Variants in KLHL1 observed in about 807,000 individuals in gnomAD.
The protein encoded by KLHL1 is kelch like family member 1.
A neutral mutation model predicts 77.7 loss-of-function variants in KLHL1; 47 were observed. That is an observed-to-expected ratio of 0.60 (90% CI 0.48 to 0.77). The LOEUF (loss-of-function observed/expected upper bound fraction) is 0.77, where lower values mean the gene tolerates loss of function less well. Among genes scored for constraint, KLHL1 ranks in the 30% least tolerant of loss-of-function variants. The pLI, the probability that KLHL1 is intolerant of heterozygous loss-of-function variation, is 0.00. For synonymous variants in KLHL1, 360 were observed against 325.2 expected (o/e 1.11, Z -1.15); for missense variants, 925 against 910.8 (o/e 1.02, Z -0.20).
At chr13:69,805,886 T>A (rs1593848705) in intron 6 of KLHL1, among the ~76,000 whole-genome samples, 1 of 151,844 alleles carries the variant, frequency 6.6e-6, no homozygotes. Context: ...CTTTGGAAAC[T>A]TAACTGTACA....
At chr13:69,737,267 G>A (rs147886766) in intron 8 of KLHL1, among the ~76,000 whole-genome samples, 36 of 152,296 alleles carry the variant, frequency 2.4e-4, no homozygotes, top group African/African-American at 7.9e-4. Context: ...GTGGCTGCTC[G>A]GGCAGGCAGC....
At chr13:69,773,155 T>C (rs1875657672) in intron 7 of KLHL1, among the ~76,000 whole-genome samples, 1 of 152,024 alleles carries the variant, frequency 6.6e-6, no homozygotes, top group Non-Finnish European at 1.5e-5. Context: ...ATAATAGATA[T>C]ATATTAAATT....
intron 7 of KLHL1, among the ~76,000 whole-genome samples, chr13:69,786,326 T>A (rs1186194526): frequency 1.3e-5 from 2 of 152,150 alleles, no homozygotes; most frequent in African/African-American, 2.4e-5. Context: ...GTGGGCTTCA[T>A]CCCTGGGATG....
rs182994422 is a variant in KLHL1 at position 69,714,061 on chromosome 13, C to G, written c.2015+5308G>C. On this transcript the variant is annotated intron_variant, in intron 9 of 10. Transcript: ENST00000377844. ...GATATACTTATTGATATTCTCCCAA[C>G]TTTTTAAATCCCCTCCTTAAAAATA... 2.2e-3 allele frequency among the ~76,000 whole-genome samples: 329 copies of G among 152,200 alleles called. 2 individuals carry two copies. Among genetic ancestry groups the G allele is most frequent in the Non-Finnish European group, 1.3e-3 (89 of 67,988 alleles).
intron 1 of KLHL1, among the ~76,000 whole-genome samples, chr13:70,019,476 A>AG (rs57810678): frequency 0.54 from 82,537 of 151,726 alleles, 22,704 homozygotes; most frequent in Non-Finnish European, 0.58. Context: ...GCTGATAGTG[A>AG]GGGGCTAGTG....
At chr13:69,835,306 A>AT (rs1300450448) in intron 6 of KLHL1, among the ~76,000 whole-genome samples, 3 of 152,144 alleles carry the variant, frequency 2.0e-5, no homozygotes, top group African/African-American at 7.2e-5. Context: ...TACAAAAAAA[A>AT]TTATTTGCAT....
chr13:70,050,266 GA>G (rs1028456726), intron 1 of KLHL1, among the ~76,000 whole-genome samples: 57 of 151,864 alleles, frequency 3.8e-4, no homozygotes, highest in African/African-American at 1.3e-3. Flanking sequence ...ACATATTTCT[GA>G]CGCCTTCTTC....
At chr13:69,800,882 A>C in intron 6 of KLHL1, among the ~76,000 whole-genome samples, 1 of 152,172 alleles carries the variant, frequency 6.6e-6, no homozygotes. Context: ...AATACAAGTT[A>C]GAGTGGACTG....
At chr13:69,838,575 A>G (rs1446543958) in intron 6 of KLHL1, among the ~76,000 whole-genome samples, 1 of 151,884 alleles carries the variant, frequency 6.6e-6, no homozygotes, top group Non-Finnish European at 1.5e-5. Flanking sequence ...CTATTTATTT[A>G]TCTGGCTTCT....
chr13:69,998,865 A>T (rs941178547), intron 1 of KLHL1, among the ~76,000 whole-genome samples: 1 of 151,864 alleles, frequency 6.6e-6, no homozygotes. Context: ...TGGAAAAGTC[A>T]TTTTTTTGTG....
chr13:69,858,352 A>G (rs61963759), intron 5 of KLHL1, among the ~76,000 whole-genome samples: 3 of 152,168 alleles, frequency 2.0e-5, no homozygotes, highest in Non-Finnish European at 2.9e-5. Flanking sequence ...AATGAAAGAC[A>G]TAACTGTTAA....
At chr13:70,006,971 TA>T (rs1246650750) in intron 1 of KLHL1, among the ~76,000 whole-genome samples, 2 of 152,036 alleles carry the variant, frequency 1.3e-5, no homozygotes, top group East Asian at 3.9e-4. Flanking sequence ...TACATTTGAT[TA>T]TAGTTAATAA....
At chr13:69,955,933 T>C (rs1566442354) in intron 3 of KLHL1, among the ~76,000 whole-genome samples, 3 of 102,662 alleles carry the variant, frequency 2.9e-5, no homozygotes, top group African/African-American at 9.3e-5. Flanking sequence ...TTATATATAT[T>C]TGATATATAT....
intron 6 of KLHL1, among the ~76,000 whole-genome samples, chr13:69,818,120 T>C (rs1878192214): frequency 6.6e-6 from 1 of 152,094 alleles, no homozygotes; most frequent in Non-Finnish European, 1.5e-5. Context: ...CTTATTTTAT[T>C]CTTGGATTAA....
chr13:70,078,963 T>A (rs1593726218), intron 1 of KLHL1, among the ~76,000 whole-genome samples: 2 of 152,156 alleles, frequency 1.3e-5, no homozygotes, highest in Non-Finnish European at 2.9e-5. Context: ...AGCATCAAAC[T>A]CTCACCTCTT....
chr13:70,014,203 CAAG>C (rs1885602806), intron 1 of KLHL1, among the ~76,000 whole-genome samples: 1 of 151,850 alleles, frequency 6.6e-6, no homozygotes, highest in Admixed American at 6.6e-5. Flanking sequence ...AGAACTAAGA[CAAG>C]AAAAATGAGC....
At position 69,841,836 on chromosome 13, in the gene KLHL1, T is replaced by C. The variant is rs73506344; in HGVS notation, c.1228-2674A>G. Among the ~76,000 whole-genome samples the C allele has an allele frequency of 4.6e-3, 691 of 151,682 alleles. 12 individuals are homozygous for C. The highest frequency in any genetic ancestry group is 0.016 in the African/African-American group (661 of 41,454). ...AAGCAGCACGGTATTTCTCTAAAGA[T>C]AGATATATAGGCCAATGGAACAGAA... On this transcript the variant is annotated intron_variant, in intron 5 of 10. Transcript: ENST00000377844.
intron 4 of KLHL1, among the ~76,000 whole-genome samples, chr13:69,916,604 G>A (rs1379544467): frequency 6.6e-6 from 1 of 152,040 alleles, no homozygotes; most frequent in African/African-American, 2.4e-5. Context: ...GTGGGGGGAA[G>A]GGGGAGGGAT....
At chr13:69,804,308 G>C (rs2875573) in intron 6 of KLHL1, among the ~76,000 whole-genome samples, 3 of 143,054 alleles carry the variant, frequency 2.1e-5, no homozygotes, top group East Asian at 3.9e-4. Flanking sequence ...ATTTTTTTGT[G>C]GGGGGGGGAA....
Sources: gnomAD v4.1 joint callset for allele counts (sites outside exome capture counted in the v4.1 genomes callset) on GRCh38, gnomAD v4.1.1 for gene constraint, MANE v1.5 for transcripts, NCBI Gene and HGNC (gene_info 2026-07-23, HGNC 2026-07-21) for gene names.